Variants in NUCB1 observed in about 807,000 individuals in gnomAD.
The protein encoded by NUCB1 is nucleobindin-1.
A neutral mutation model predicts 61.2 loss-of-function variants in NUCB1; 47 were observed. That is an observed-to-expected ratio of 0.77 (90% CI 0.61 to 0.98). The LOEUF is 0.98. NUCB1 is among the 50% of genes least tolerant of loss of function. The pLI, the probability that NUCB1 is intolerant of heterozygous loss-of-function variation, is 0.00. For missense variants in NUCB1, 583 were observed against 605.3 expected (o/e 0.96, Z 0.39); for synonymous variants, 234 against 243.1 (o/e 0.96, Z 0.35).
intron 7 of NUCB1, among the ~76,000 whole-genome samples, chr19:48,915,550 G>C (rs759448841): frequency 1.3e-5 from 2 of 151,994 alleles, no homozygotes. Context: ...TCTGTAATGG[G>C]GTCTCAGGTA....
At chr19:48,904,549 G>A in intron 3 of NUCB1, 95 bp downstream of exon 3, 1 of 726,944 alleles carries the variant, frequency 1.4e-6, no homozygotes, top group Non-Finnish European at 2.3e-6. Context: ...TTTTGAGACG[G>A]AGTCTTGCTC....
chr19:48,900,598 A>G, intron 1 of NUCB1, 188 bp from the exon 2 acceptor site: 1 of 713,516 alleles, frequency 1.4e-6, no homozygotes, highest in Non-Finnish European at 2.3e-6. Flanking sequence ...CCTGGGTCTG[A>G]GGGCCCAGAC....
At chr19:48,911,033 A>C in intron 4 of NUCB1, 116 bp from the exon 5 acceptor site, 1 of 690,086 alleles carries the variant, frequency 1.4e-6, no homozygotes, top group Non-Finnish European at 2.5e-6. Flanking sequence ...CCCAGGTTCA[A>C]GCTGTCTTCT....
At chr19:48,906,863 C>CA (rs2037417870) in intron 4 of NUCB1, among the ~76,000 whole-genome samples, 1 of 152,200 alleles carries the variant, frequency 6.6e-6, no homozygotes, top group Non-Finnish European at 1.5e-5. Context: ...GACTTCACCA[C>CA]AGTCACCATC....
chr19:48,909,360 G>A (rs2037448239), intron 4 of NUCB1, among the ~76,000 whole-genome samples: 1 of 151,714 alleles, frequency 6.6e-6, no homozygotes, highest in Admixed American at 6.6e-5. Flanking sequence ...CGATTCTCCT[G>A]CCTCAGACTC....
intron 2 of NUCB1, among the ~76,000 whole-genome samples, chr19:48,902,863 AGT>A (rs2037367074): frequency 6.6e-6 from 1 of 151,830 alleles, no homozygotes; most frequent in Admixed American, 6.6e-5. Flanking sequence ...GAGCAGGGAG[AGT>A]GAGAGGGAGG....
At chr19:48,913,632 C>A in intron 7 of NUCB1, 68 bp downstream of exon 7, 1 of 1,303,120 alleles carries the variant, frequency 7.7e-7, no homozygotes, top group Non-Finnish European at 1.1e-6. Context: ...GACCTGAATG[C>A]TAAGAGGGGT....
chr19:48,901,069 T>C (rs1339512789), intron 2 of NUCB1, 138 bp downstream of exon 2: 5 of 1,016,716 alleles, frequency 4.9e-6, no homozygotes, highest in Non-Finnish European at 7.6e-6. Flanking sequence ...CCACCATTCC[T>C]CCCAGCAGCA....
rs759232553 is a variant in NUCB1, at chr19:48,904,318, G to A, written c.136-29G>A. The stretch of plus-strand genomic sequence containing the variant: ...GGGTGGGGATGGGGATGGGAGCAGG[G>A]GCTGCTATGTCTGTCCTTGTTGCCT... On this transcript the variant is annotated intron_variant, in intron 2 of 12. Coordinates refer to ENST00000405315, the MANE Select transcript of NUCB1 (RefSeq NM_006184.6). 7 of 1,457,518 alleles carry A rather than the reference G, an allele frequency of 4.8e-6. No individual in the cohort carries two copies. The East Asian group carries it at 1.6e-4, about 33-fold the overall frequency. 90.3% of individuals were successfully genotyped at this position (1,457,518 alleles called of 1,614,324 possible).
chr19:48,922,751 C>T lies in NUCB1; in HGVS notation c.*327C>T, dbSNP rs1031386288. 2.2e-5 allele frequency: 6 copies of T among 266,850 alleles called. No individual in the cohort carries two copies. The highest frequency in any genetic ancestry group is 4.9e-5 in the Admixed American group (1 of 20,538). The allele number at this position is 266,850 out of a possible 1,614,324, so 16.5% of individuals were successfully genotyped here. On this transcript the variant is annotated 3_prime_UTR_variant, in exon 13 of 13. Transcript: ENST00000405315. ...CCCAAGAGGGTCTGCTCTGAGCCTG[C>T]GTTCCTAGGTGGCTCGGCCTCAGCT...
chr19:48,915,738 C>T (rs1056696973), intron 7 of NUCB1, among the ~76,000 whole-genome samples: 1 of 151,946 alleles, frequency 6.6e-6, no homozygotes, highest in African/African-American at 2.4e-5. Flanking sequence ...TTTGCTCAAG[C>T]GATCCACCTA....
At chr19:48,905,920 A>AGGGGTGGGGGGGGCAACTGGCTGGGT in intron 4 of NUCB1, 35 bp downstream of exon 4, 1 of 473,426 alleles carries the variant, frequency 2.1e-6, no homozygotes, top group Non-Finnish European at 3.9e-6. Flanking sequence ...ACAGGCAGGG[A>AGGGGTGGGGGGGGCAACTGGCTGGGT]GGGGTGGGGA....
chr19:48,919,296 T>TG lies in NUCB1; in HGVS notation c.1002+15dup. 1 of 1,602,776 alleles carries TG rather than the reference T, an allele frequency of 6.2e-7. No individual in the cohort carries two copies. Among genetic ancestry groups the TG allele is most frequent in the South Asian group, 1.1e-5 (1 of 90,816 alleles). ...CGGGGAGGGCTGGGAGGTGAGAACA[T>TG]GGGGGATACTCGGGGTCCTGAACCT... is the stretch of plus-strand genomic sequence containing the variant. On this transcript the variant is annotated intron_variant, in intron 10 of 12. Transcript: ENST00000405315.
chr19:48,920,990 C>T (rs9676447), intron 10 of NUCB1, among the ~76,000 whole-genome samples, 164 bp from the exon 11 acceptor site: 124,194 of 152,142 alleles, frequency 0.82, 54,576 homozygotes, highest in Non-Finnish European at 0.96. Flanking sequence ...CCTTGTCTCT[C>T]GGTCTTTATC....
intron 2 of NUCB1, among the ~76,000 whole-genome samples, chr19:48,903,158 G>T (rs1175544685): frequency 6.6e-6 from 1 of 151,776 alleles, no homozygotes; most frequent in Non-Finnish European, 1.5e-5. Context: ...TATCTTATTT[G>T]CTTTTCACCA....
At chr19:48,902,094 ACAGT>A (rs2037358153) in intron 2 of NUCB1, among the ~76,000 whole-genome samples, 1 of 152,156 alleles carries the variant, frequency 6.6e-6, no homozygotes, top group Non-Finnish European at 1.5e-5. Flanking sequence ...ACCAGGGGTG[ACAGT>A]CAGGGAGGAA....
intron 7 of NUCB1, among the ~76,000 whole-genome samples, chr19:48,914,100 C>T (rs529637602): frequency 7.9e-5 from 12 of 151,764 alleles, no homozygotes; most frequent in Admixed American, 3.3e-4. Flanking sequence ...CTCAGCCTCC[C>T]GAGTAGCTGG....
chr19:48,922,539 C>A lies in NUCB1; in HGVS notation c.*115C>A. On this transcript the variant is annotated 3_prime_UTR_variant, in exon 13 of 13. Transcript: ENST00000405315. The stretch of plus-strand genomic sequence containing the variant: ...CTGGTGTCATGTTGGGCTCCTGGGG[C>A]GGGGGCACGGCCTGGCATTTCACGC... 2 of 803,364 alleles carry A rather than the reference C, an allele frequency of 2.5e-6. No individual in the cohort carries two copies. Among genetic ancestry groups the A allele is most frequent in the Non-Finnish European group, 4.1e-6 (2 of 488,376 alleles). The allele number at this position is 803,364 out of a possible 1,614,324, so 49.8% of individuals were successfully genotyped here. A position where few individuals can be genotyped will look rare whatever the true frequency, so the allele number is the denominator to read the frequency against.
At chr19:48,903,463 TG>T (rs2037374559) in intron 2 of NUCB1, among the ~76,000 whole-genome samples, 5 of 117,892 alleles carry the variant, frequency 4.2e-5, no homozygotes, top group Non-Finnish European at 6.8e-5. Flanking sequence ...GGTGGTTGGA[TG>T]GATGGGCGGG....
Sources: allele counts gnomAD v4.1 joint callset (sites outside exome capture counted in the v4.1 genomes callset), GRCh38; gene constraint gnomAD v4.1.1; transcripts MANE v1.5; gene names NCBI Gene and HGNC (gene_info 2026-07-23, HGNC 2026-07-21).